CDK14: variants seen among roughly 807,000 people sequenced by gnomAD.
CDK14 encodes cyclin-dependent kinase 14.
In CDK14, 34 loss-of-function variants were observed where a neutral mutation model predicts 60.7. The observed-to-expected ratio is 0.56, with a 90% CI of 0.43 to 0.75. The LOEUF (loss-of-function observed/expected upper bound fraction) is 0.75, where lower values mean the gene tolerates loss of function less well. Ranked by LOEUF, CDK14 falls within the 30% of genes least tolerant of loss-of-function variation. The pLI is 0.00. For synonymous variants in CDK14, 197 were observed against 203.7 expected, an observed-to-expected ratio of 0.97 and a Z score of 0.28; for missense variants, 482 against 564.1, an observed-to-expected ratio of 0.85 and a Z score of 1.47.
At chr7:90,863,138 C>A in intron 5 of CDK14, 37 bp from the exon 6 acceptor site, 1 of 1,136,548 alleles carries the variant, frequency 8.8e-7, no homozygotes, top group Non-Finnish European at 1.3e-6. Context: ...GATTGTTATC[C>A]ACGATAAATT....
chr7:91,085,372 A>T (rs1798609541), intron 12 of CDK14, among the ~76,000 whole-genome samples: 1 of 152,092 alleles, frequency 6.6e-6, no homozygotes, highest in Non-Finnish European at 1.5e-5. Context: ...GCTTCATCAC[A>T]TAGCCACCTT....
chr7:90,831,040 T>C (rs1789895619), intron 5 of CDK14, among the ~76,000 whole-genome samples: 1 of 152,212 alleles, frequency 6.6e-6, no homozygotes, highest in East Asian at 1.9e-4. Flanking sequence ...CTTTCTGTCT[T>C]CTGAGCCTTC....
At chr7:90,973,670 G>A (rs1017823969) in intron 9 of CDK14, among the ~76,000 whole-genome samples, 5 of 152,024 alleles carry the variant, frequency 3.3e-5, no homozygotes, top group African/African-American at 2.4e-5. Flanking sequence ...GGCCTCTGGG[G>A]GTGTCATCAC....
At chr7:90,759,612 G>A (rs1804232647) in intron 4 of CDK14, among the ~76,000 whole-genome samples, 1 of 152,130 alleles carries the variant, frequency 6.6e-6, no homozygotes, top group Non-Finnish European at 1.5e-5. Context: ...TTGATCTGCT[G>A]GTAGATCACA....
At chr7:91,181,809 T>C (rs118077365) in intron 14 of CDK14, among the ~76,000 whole-genome samples, 2,472 of 152,258 alleles carry the variant, frequency 0.016, 28 homozygotes, top group South Asian at 0.029. Context: ...AATAGCTTCC[T>C]TTCTTTCTGG....
chr7:91,191,188 C>T (rs1802350978), intron 14 of CDK14, among the ~76,000 whole-genome samples: 1 of 152,098 alleles, frequency 6.6e-6, no homozygotes, highest in Non-Finnish European at 1.5e-5. Context: ...TACTTTTGGA[C>T]TTTCTACAGC....
rs972035502 is a variant in CDK14 at position 91,034,654 on chromosome 7, C to T, written c.1042-11243C>T. Among the ~76,000 whole-genome samples the T allele has an allele frequency of 1.1e-3, 160 of 152,140 alleles. 1 individual carries two copies. The highest frequency in any genetic ancestry group is 3.6e-3 in the African/African-American group (150 of 41,422). ...AAGCCCTGGCAGCTTTTCATTTTCTCAGTCCAGTGGCTCCCCCTGCTGTCT... is the reference window on the plus strand; with the variant it reads ...AAGCCCTGGCAGCTTTTCATTTTCTTAGTCCAGTGGCTCCCCCTGCTGTCT... On this transcript the variant is annotated intron_variant, in intron 10 of 14. Coordinates refer to ENST00000380050, the MANE Select transcript of CDK14 (RefSeq NM_001287135.2).
At chr7:90,977,273 G>A (rs1795099430) in intron 9 of CDK14, among the ~76,000 whole-genome samples, 1 of 152,126 alleles carries the variant, frequency 6.6e-6, no homozygotes, top group Non-Finnish European at 1.5e-5. Flanking sequence ...TGCACAGAAA[G>A]CCAATGACTG....
At chr7:90,900,713 A>G (rs1792480431) in intron 7 of CDK14, among the ~76,000 whole-genome samples, 1 of 152,158 alleles carries the variant, frequency 6.6e-6, no homozygotes, top group African/African-American at 2.4e-5. Context: ...AGTGGAAATG[A>G]GCAGATCCTC....
At chr7:91,123,783 G>C (rs43000) in intron 14 of CDK14, among the ~76,000 whole-genome samples, 148,994 of 152,264 alleles carry the variant, frequency 0.98, 72,903 homozygotes, top group East Asian at 1. Context: ...CACCCTAACC[G>C]CATGCAAGTG....
intron 6 of CDK14, among the ~76,000 whole-genome samples, chr7:90,882,594 C>T (rs1488402121): frequency 6.6e-6 from 1 of 152,166 alleles, no homozygotes; most frequent in Non-Finnish European, 1.5e-5. Context: ...ATCAAGCAGA[C>T]CTAGTAGATA....
At chr7:90,995,683 C>T (rs1795662193) in intron 10 of CDK14, among the ~76,000 whole-genome samples, 1 of 152,124 alleles carries the variant, frequency 6.6e-6, no homozygotes, top group Non-Finnish European at 1.5e-5. Context: ...TTAGTGTGTG[C>T]CAGAACTGAG....
In CDK14 at chr7:90,629,428, C is replaced by T. The variant is rs116242996; in HGVS notation, c.123+25179C>T. Among the ~76,000 whole-genome samples the T allele has an allele frequency of 6.7e-3, 1,027 of 152,306 alleles. 16 individuals carry two copies. The highest frequency in any genetic ancestry group is 0.024 in the African/African-American group (987 of 41,566). On this transcript the variant is annotated intron_variant, in intron 2 of 14. Coordinates refer to ENST00000380050, the MANE Select transcript of CDK14 (RefSeq NM_001287135.2). ...CACTTTGTCCCTAGTGTCTCACTAG[C>T]ACTGGGTCTGGTGTCTGTCTGTCCC... is the stretch of plus-strand genomic sequence containing the variant.
chr7:90,758,290 C>G (rs1209128008), intron 4 of CDK14, among the ~76,000 whole-genome samples: 2 of 151,994 alleles, frequency 1.3e-5, no homozygotes, highest in East Asian at 3.9e-4. Flanking sequence ...CTCTCTCTCT[C>G]TGTTTTTATG....
At chr7:90,607,475 C>T (rs1022479713) in intron 2 of CDK14, among the ~76,000 whole-genome samples, 7 of 152,118 alleles carry the variant, frequency 4.6e-5, no homozygotes, top group African/African-American at 1.7e-4. Flanking sequence ...GAGTATGTGT[C>T]AAATGTTTGA....
At chr7:90,941,875 A>T (rs1169168823) in intron 8 of CDK14, among the ~76,000 whole-genome samples, 1 of 151,996 alleles carries the variant, frequency 6.6e-6, no homozygotes, top group African/African-American at 2.4e-5. Context: ...TGTAATGTTG[A>T]CCCTTAGGGC....
intron 2 of CDK14, among the ~76,000 whole-genome samples, chr7:90,626,812 G>C (rs565173586): frequency 6.1e-4 from 93 of 151,736 alleles, no homozygotes; most frequent in African/African-American, 2.0e-3. Flanking sequence ...ATGTGTGTCT[G>C]TCATGTAGTC....
At chr7:90,795,134 A>T (rs2116982436) in intron 5 of CDK14, among the ~76,000 whole-genome samples, 1 of 152,344 alleles carries the variant, frequency 6.6e-6, no homozygotes, top group East Asian at 1.9e-4. Context: ...TGCTGTGCAC[A>T]GATTTAATAT....
intron 5 of CDK14, among the ~76,000 whole-genome samples, chr7:90,801,969 T>C (rs1310774461): frequency 6.6e-6 from 1 of 152,182 alleles, no homozygotes; most frequent in Non-Finnish European, 1.5e-5. Context: ...TTCCCTGACC[T>C]GGAGTCTCTT....
Sources: allele counts gnomAD v4.1 joint callset (sites outside exome capture counted in the v4.1 genomes callset), GRCh38; gene constraint gnomAD v4.1.1; transcripts MANE v1.5; gene names NCBI Gene and HGNC (gene_info 2026-07-23, HGNC 2026-07-21).